The following LPCAT1 variants were observed in gnomAD, a reference collection of about 807,000 sequenced individuals.
LPCAT1 encodes the protein 1-acylglycerol-3-phosphate O-acyltransferase.
Under a neutral mutation model 60.9 loss-of-function variants are expected in LPCAT1, and 23 were observed. The ratio of observed to expected loss-of-function variants is 0.38; its 90% CI spans 0.27 to 0.53. The LOEUF (loss-of-function observed/expected upper bound fraction) is 0.53, where lower values mean the gene tolerates loss of function less well. LPCAT1 is among the 20% of genes least tolerant of loss of function. The pLI is 0.82. For missense variants in LPCAT1, 622 were observed against 723.6 expected (o/e 0.86, Z 1.61); for synonymous variants, 340 against 301.1 (o/e 1.13, Z -1.34).
Position 1,483,417 on chromosome 5 carries a change from A to T in LPCAT1, c.726+11T>A. ...TCCCCTGGAAGCTGACCCCAAAAAAACACAACTCACCAGTTTATTTGGATA... is the reference window on the plus strand; with the variant it reads ...TCCCCTGGAAGCTGACCCCAAAAAATCACAACTCACCAGTTTATTTGGATA... On this transcript the variant is annotated intron_variant, in intron 6 of 13. Transcript: ENST00000283415. The surrounding 1 kb of genome is among the most constrained non-coding windows in gnomAD (Gnocchi z 9.2). The T allele has an allele frequency of 6.2e-7, 1 of 1,613,708 alleles. No individual in the cohort carries two copies. Among genetic ancestry groups the T allele is most frequent in the South Asian group, 1.1e-5 (1 of 91,088 alleles).
At chr5:1,513,977 C>T (rs543058650) in intron 1 of LPCAT1, among the ~76,000 whole-genome samples, 25 of 152,348 alleles carry the variant, frequency 1.6e-4, no homozygotes, top group South Asian at 8.3e-4. Context: ...GGCGGGACAC[C>T]CTGCGATTAC....
At chr5:1,484,092 G>C (rs1735279648) in intron 5 of LPCAT1, among the ~76,000 whole-genome samples, 1 of 152,224 alleles carries the variant, frequency 6.6e-6, no homozygotes, top group South Asian at 2.1e-4. Flanking sequence ...TCAGCTCCAA[G>C]GACGGGCGGA....
chr5:1,477,174 A>G lies in LPCAT1; in HGVS notation c.899+230T>C, dbSNP rs1375912364. Among the ~76,000 whole-genome samples the G allele has an allele frequency of 6.6e-6, 1 of 152,234 alleles. No homozygotes were observed. Among genetic ancestry groups the G allele is most frequent in the Non-Finnish European group, 1.5e-5 (1 of 68,042 alleles). ...ACCAACGGCTGCAGGCAGGTCTGGA[A>G]GAACCAGTCATGCATCTTCCCAACG... On this transcript the variant is annotated intron_variant, in intron 9 of 13. Coordinates refer to ENST00000283415, the MANE Select transcript of LPCAT1 (RefSeq NM_024830.5). This position sits in a 1 kb window ranked among gnomAD's most constrained non-coding sequence, Gnocchi z 6.0.
chr5:1,511,849 C>T (rs1736365275), intron 1 of LPCAT1, among the ~76,000 whole-genome samples: 1 of 152,240 alleles, frequency 6.6e-6, no homozygotes, highest in African/African-American at 2.4e-5. Context: ...TCCTCTGCTC[C>T]CAGATGGTGG....
At chr5:1,490,002 G>T (rs1163659729) in intron 3 of LPCAT1, 144 bp from the exon 4 acceptor site, 3 of 675,312 alleles carry the variant, frequency 4.4e-6, no homozygotes, top group Non-Finnish European at 8.0e-6. Context: ...TGGGCTGTGA[G>T]TCCCTGACTG....
At chr5:1,504,236 T>TA (rs1284026924) in intron 1 of LPCAT1, among the ~76,000 whole-genome samples, 3 of 152,272 alleles carry the variant, frequency 2.0e-5, no homozygotes, top group African/African-American at 7.2e-5. Context: ...CCTTTATTTG[T>TA]AAAATTTAGT....
chr5:1,506,241 T>C (rs372793455), intron 1 of LPCAT1, among the ~76,000 whole-genome samples: 15 of 152,132 alleles, frequency 9.9e-5, no homozygotes, highest in African/African-American at 3.1e-4. Flanking sequence ...GGAGCAGTGC[T>C]CCTGGTGAAG....
At chr5:1,467,569 C>T (rs942606846) in intron 12 of LPCAT1, among the ~76,000 whole-genome samples, 3 of 152,152 alleles carry the variant, frequency 2.0e-5, no homozygotes, top group Non-Finnish European at 2.9e-5. Flanking sequence ...AACTCCACGG[C>T]GCTCCCCTCC....
chr5:1,504,211 A>G (rs145830903), intron 1 of LPCAT1, among the ~76,000 whole-genome samples: 739 of 152,362 alleles, frequency 4.9e-3, no homozygotes, highest in Non-Finnish European at 7.7e-3. Flanking sequence ...CCACAAGTCT[A>G]AGGGGCAGCC....
At chr5:1,518,558 T>C (rs1194813227) in intron 1 of LPCAT1, among the ~76,000 whole-genome samples, 2 of 152,206 alleles carry the variant, frequency 1.3e-5, no homozygotes, top group Non-Finnish European at 2.9e-5. Context: ...GCCAGGATGG[T>C]CTCGATCTCC....
chr5:1,507,627 G>A (rs1469425035), intron 1 of LPCAT1, among the ~76,000 whole-genome samples: 1 of 152,214 alleles, frequency 6.6e-6, no homozygotes. Context: ...CAGGGGCCGG[G>A]CGCGAGCGCT....
At chr5:1,464,689 CAT>C (rs1379129713) in intron 13 of LPCAT1, among the ~76,000 whole-genome samples, 4 of 144,088 alleles carry the variant, frequency 2.8e-5, no homozygotes, top group African/African-American at 1.1e-4. Flanking sequence ...TAAACAAACA[CAT>C]GCGTGCACAC....
At chr5:1,508,451 TAAG>T (rs1408577925) in intron 1 of LPCAT1, among the ~76,000 whole-genome samples, 4 of 152,146 alleles carry the variant, frequency 2.6e-5, no homozygotes, top group Admixed American at 1.3e-4. Flanking sequence ...GGTGTCCTTA[TAAG>T]AAGAGGAGAT....
At position 1,480,995 on chromosome 5, in the gene LPCAT1, G is replaced by T. The variant is rs377684958; in HGVS notation, c.727-19C>A. 7 of 1,613,320 alleles carry T rather than the reference G, an allele frequency of 4.3e-6. No homozygotes were observed. In the African/African-American group the frequency reaches 6.7e-5, roughly 15 times the overall value. On this transcript the variant is annotated intron_variant, in intron 6 of 13. Transcript: ENST00000283415. The surrounding 1 kb of genome is among the most constrained non-coding windows in gnomAD (Gnocchi z 6.4). ...TGGTGTCCTGGGGAGGAAGAGGCAG[G>T]GTCAGTCAGCATGGGGCCTGCACCC...
chr5:1,469,800 AAAC>A (rs573021251), intron 12 of LPCAT1, among the ~76,000 whole-genome samples: 15 of 152,192 alleles, frequency 9.9e-5, no homozygotes, highest in South Asian at 6.2e-4. Context: ...AAAAAAAAAA[AAAC>A]AACAGGGCAC....
Position 1,487,966 on chromosome 5 carries a change from A to ACTGGGGAC in LPCAT1, c.667+417_667+424dup, listed in dbSNP as rs768589901. Among the ~76,000 whole-genome samples the ACTGGGGAC allele has an allele frequency of 4.6e-5, 7 of 152,120 alleles. No individual in the cohort carries two copies. Among genetic ancestry groups the ACTGGGGAC allele is most frequent in the Non-Finnish European group, 8.8e-5 (6 of 68,008 alleles). On this transcript the variant is annotated intron_variant, in intron 5 of 13. Transcript: ENST00000283415. This position sits in a 1 kb window ranked among gnomAD's most constrained non-coding sequence, Gnocchi z 6.1. ...CCCCAGGGAGAAAGAACACTGTCTA[A>ACTGGGGAC]CTGGGGACCTGGGGACCTGGGCATC...
intron 4 of LPCAT1, among the ~76,000 whole-genome samples, chr5:1,489,449 A>G (rs904544520): frequency 6.6e-6 from 1 of 152,212 alleles, no homozygotes; most frequent in Non-Finnish European, 1.5e-5. Context: ...CTCCAAAATC[A>G]CACTGCACCA....
intron 1 of LPCAT1, among the ~76,000 whole-genome samples, chr5:1,512,129 G>A (rs905499452): frequency 6.6e-6 from 1 of 152,234 alleles, no homozygotes; most frequent in African/African-American, 2.4e-5. Flanking sequence ...CGCCAGTAAA[G>A]TGAGCCCCAC....
At position 1,494,863 on chromosome 5, in the gene LPCAT1, G is replaced by T. The variant is rs377431654; in HGVS notation, c.330C>A (p.Gly110=). ...KAIMRTMWFA[G]GFHRVAVKGR... ...CCTTCACGGCCACCCGGTGGAAGCC[G>T]CCGGCGAACCACATGGTGCGCATGA... Residue 110 remains glycine (G), a synonymous_variant, in exon 3 of 14, where the codon GGC becomes GGA. Transcript: ENST00000283415. The T allele has an allele frequency of 6.2e-7, 1 of 1,613,116 alleles. No individual in the cohort carries two copies. The highest frequency in any genetic ancestry group is 2.2e-5 in the East Asian group (1 of 44,864).
Sources: gnomAD v4.1 joint callset for allele counts (sites outside exome capture counted in the v4.1 genomes callset) on GRCh38, gnomAD v4.1.1 for gene constraint, Gnocchi (gnomAD v3.1) non-coding constraint, MANE v1.5 for transcripts, NCBI Gene and HGNC (gene_info 2026-07-23, HGNC 2026-07-21) for gene names.